The following DHRS12 variants were observed in gnomAD, a reference collection of about 807,000 sequenced individuals.
The protein encoded by DHRS12 is dehydrogenase/reductase 12.
A neutral mutation model predicts 32.1 loss-of-function variants in DHRS12; 29 were observed. That is an observed-to-expected ratio of 0.90 (90% CI 0.67 to 1.23). The LOEUF is 1.23. DHRS12 is among the 50% of genes most tolerant of loss of function. The pLI is 0.00. For missense variants in DHRS12, 330 were observed against 337.2 expected, an observed-to-expected ratio of 0.98 and a Z score of 0.17; for synonymous variants, 150 against 135.9, an observed-to-expected ratio of 1.10 and a Z score of -0.72.
chr13:51,772,828 C>T, intron 6 of DHRS12: 2 of 985,428 alleles, frequency 2.0e-6, no homozygotes, highest in Non-Finnish European at 2.4e-6. Context: ...AAGTGCAGGT[C>T]TTTCAAATGT....
At chr13:51,762,307 A>G in the DHRS12 span, 3 of 152,414 alleles carry the variant, frequency 2.0e-5, no homozygotes, top group African/African-American at 4.8e-5. Context: ...TATGTCCTCT[A>G]CAGTCGCTCT....
At chr13:51,803,043 AC>A (rs1314413851) in intron 1 of DHRS12, among the ~76,000 whole-genome samples, 1 of 152,222 alleles carries the variant, frequency 6.6e-6, no homozygotes, top group Non-Finnish European at 1.5e-5. Flanking sequence ...AGAGGCTGCC[AC>A]TGTATTCCCC....
intron 4 of DHRS12, among the ~76,000 whole-genome samples, chr13:51,780,564 G>A (rs765275937): frequency 9.2e-5 from 14 of 152,130 alleles, no homozygotes; most frequent in Non-Finnish European, 1.8e-4. Context: ...TCATTATGTC[G>A]ATGGCGGTTC....
intron 7 of DHRS12, among the ~76,000 whole-genome samples, chr13:51,769,579 C>T (rs1319819427): frequency 6.6e-6 from 1 of 152,168 alleles, no homozygotes; most frequent in East Asian, 1.9e-4. Flanking sequence ...CAGAGTCGCC[C>T]GCAGAGCCCT....
chr13:51,799,810 C>T (rs1341079947), intron 1 of DHRS12, 143 bp from the exon 2 acceptor site: 29 of 906,594 alleles, frequency 3.2e-5, no homozygotes, highest in Non-Finnish European at 4.3e-5. Flanking sequence ...CTCCCTTGCC[C>T]TCCCTGCTCT....
rs368713983 is a variant in DHRS12 at position 51,789,658 on chromosome 13, C to T, written c.301+353G>A. 7.3e-5 allele frequency: 72 copies of T among 985,452 alleles called. 2 individuals are homozygous for T. In the Middle Eastern group the frequency reaches 1.6e-3, roughly 21 times the overall value. 61.0% of individuals were successfully genotyped at this position (985,452 alleles called of 1,614,324 possible). A position where few individuals can be genotyped will look rare whatever the true frequency, so the allele number is the denominator to read the frequency against. Reference sequence around the variant, plus strand: ...TCCATCTTCTTGCCCACTGGTTGCACCTTCCTCAGCCCTGGCTGGAAGTTC... The same window carrying T: ...TCCATCTTCTTGCCCACTGGTTGCATCTTCCTCAGCCCTGGCTGGAAGTTC... On this transcript the variant is annotated intron_variant, in intron 4 of 8. Transcript: ENST00000444610.
intron 8 of DHRS12, chr13:51,768,803 GAGA>G: frequency 1.6e-6 from 2 of 1,243,932 alleles, no homozygotes; most frequent in Non-Finnish European, 1.0e-6. Flanking sequence ...TTGCACTGCA[GAGA>G]AGCAGAGTCC....
chr13:51,787,748 TA>T (rs1243208536), intron 4 of DHRS12, among the ~76,000 whole-genome samples: 2 of 109,278 alleles, frequency 1.8e-5, no homozygotes, highest in Admixed American at 1.3e-4. Flanking sequence ...TTATATTATA[TA>T]TTTTTATATA....
chr13:51,777,259 C>T, intron 4 of DHRS12, 138 bp from the exon 5 acceptor site: 1 of 817,098 alleles, frequency 1.2e-6, no homozygotes, highest in South Asian at 1.5e-5. Flanking sequence ...GGCAGTCCCT[C>T]CTTCCGAGGA....
intron 7 of DHRS12, 88 bp downstream of exon 7, chr13:51,771,733 G>A: frequency 6.6e-7 from 1 of 1,511,564 alleles, no homozygotes; most frequent in South Asian, 1.2e-5. Flanking sequence ...CTGGTTTTAG[G>A]TCATTCCTGG....
Position 51,802,217 on chromosome 13 carries a change from AC to A in DHRS12, c.-9+1836del, listed in dbSNP as rs11320911. Among the ~76,000 whole-genome samples, 748 of 93,444 alleles carry A rather than the reference AC, an allele frequency of 8.0e-3. 7 individuals are homozygous for A. Among genetic ancestry groups the A allele is most frequent in the African/African-American group, 0.024 (517 of 21,330 alleles). The allele number at this position is 93,444 out of a possible 152,430, so 61.3% of individuals were successfully genotyped here. On this transcript the variant is annotated intron_variant, in intron 1 of 8. Coordinates refer to ENST00000444610, the MANE Select transcript of DHRS12 (RefSeq NM_001377533.1). ...CACACACACACACACACACACACAC[AC>A]GACTTTCCCAAGGTCACCAGAAGGT...
Position 51,804,114 on chromosome 13 carries a change from G to C in DHRS12, c.-69C>G, listed in dbSNP as rs1955886854. On this transcript the variant is annotated 5_prime_UTR_variant, in exon 1 of 9. Coordinates refer to ENST00000444610, the MANE Select transcript of DHRS12 (RefSeq NM_001377533.1). The stretch of plus-strand genomic sequence containing the variant: ...GACGCTGCGGTACAGGGACATGCCG[G>C]GAGCGCCCCACGCCTAGCCCCACCG... 4 of 1,487,992 alleles carry C rather than the reference G, an allele frequency of 2.7e-6. No individual in the cohort carries two copies. The East Asian group carries it at 1.2e-4, about 43-fold the overall frequency. 92.2% of individuals were successfully genotyped at this position (1,487,992 alleles called of 1,614,324 possible).
intron 4 of DHRS12, among the ~76,000 whole-genome samples, chr13:51,781,631 G>C (rs1222201227): frequency 6.6e-6 from 1 of 152,182 alleles, no homozygotes; most frequent in Non-Finnish European, 1.5e-5. Context: ...GGAACAGGCA[G>C]GTAGAGGGCT....
chr13:51,802,430 T>C (rs1390373383), intron 1 of DHRS12, among the ~76,000 whole-genome samples: 2 of 152,240 alleles, frequency 1.3e-5, no homozygotes, highest in Admixed American at 1.3e-4. Flanking sequence ...TTGTACTTAC[T>C]GTTTCCTGAA....
At chr13:51,771,607 T>C in intron 7 of DHRS12, 2 of 1,507,132 alleles carry the variant, frequency 1.3e-6, no homozygotes, top group Non-Finnish European at 1.8e-6. Context: ...CTTCCCTGAC[T>C]TGCACAGGGC....
chr13:51,773,891 G>T, intron 6 of DHRS12, 39 bp downstream of exon 6: 1 of 1,570,432 alleles, frequency 6.4e-7, no homozygotes, highest in Non-Finnish European at 8.8e-7. Flanking sequence ...CTCGCAGCCC[G>T]TGGGTAAAAT....
intron 4 of DHRS12, among the ~76,000 whole-genome samples, chr13:51,780,841 C>T (rs1954672057): frequency 6.6e-6 from 1 of 152,134 alleles, no homozygotes; most frequent in Non-Finnish European, 1.5e-5. Flanking sequence ...ATTTTAATAG[C>T]ATTAAAGGTA....
At chr13:51,779,103 G>A (rs555172135) in intron 4 of DHRS12, among the ~76,000 whole-genome samples, 1 of 152,098 alleles carries the variant, frequency 6.6e-6, no homozygotes, top group Non-Finnish European at 1.5e-5. Context: ...CCATGCCAAG[G>A]AGAAGGAAGG....
intron 4 of DHRS12, chr13:51,789,632 G>A: frequency 1.0e-6 from 1 of 985,410 alleles, no homozygotes; most frequent in African/African-American, 1.7e-5. Flanking sequence ...GCGCTTCTTG[G>A]TCCATCTTCT....
Sources: allele counts gnomAD v4.1 joint callset (sites outside exome capture counted in the v4.1 genomes callset), GRCh38; gene constraint gnomAD v4.1.1; transcripts MANE v1.5; gene names NCBI Gene and HGNC (gene_info 2026-07-23, HGNC 2026-07-21).